PTK2: variants seen among roughly 807,000 people sequenced by gnomAD.
PTK2 encodes protein tyrosine kinase 2.
PTK2 carries 45 observed loss-of-function variants against 150.1 expected under a neutral mutation model. The ratio of observed to expected loss-of-function variants is 0.30; its 90% CI spans 0.24 to 0.38. PTK2 has a LOEUF of 0.38. Ranked by LOEUF, PTK2 falls within the 10% of genes least tolerant of loss-of-function variation. The pLI is 1.00. For synonymous variants in PTK2, 432 were observed against 449.2 expected, an observed-to-expected ratio of 0.96 and a Z score of 0.48; for missense variants, 919 against 1,307.3, an observed-to-expected ratio of 0.70 and a Z score of 4.58.
intron 30 of PTK2, among the ~76,000 whole-genome samples, chr8:140,667,183 A>G (rs1165557854): frequency 6.6e-6 from 1 of 152,206 alleles, no homozygotes; most frequent in African/African-American, 2.4e-5. Context: ...ATGGAAGTGG[A>G]TGGTGCTGAT....
At position 140,766,755 on chromosome 8, in the gene PTK2, T is replaced by C. The variant is rs117978270; in HGVS notation, c.1178-2465A>G. ...TGTGAGGCAGCACAGAAGTGAATGG[T>C]AGAGCTGCAATACACGTGACAAAAT... On this transcript the variant is annotated intron_variant, in intron 14 of 31. Transcript: ENST00000522684. Among the ~76,000 whole-genome samples the C allele has an allele frequency of 7.7e-4, 118 of 152,328 alleles. 2 individuals are homozygous for C. The highest frequency in any genetic ancestry group is 3.4e-3 in the Middle Eastern group (1 of 294).
intron 1 of PTK2, among the ~76,000 whole-genome samples, chr8:140,960,420 G>A (rs1371297365): frequency 6.6e-6 from 1 of 151,948 alleles, no homozygotes; most frequent in Non-Finnish European, 1.5e-5. Flanking sequence ...ATGTTGGCCA[G>A]GCTGGTCTCA....
chr8:140,900,912 A>C (rs959576510), intron 2 of PTK2, among the ~76,000 whole-genome samples: 7 of 152,062 alleles, frequency 4.6e-5, no homozygotes, highest in Non-Finnish European at 8.8e-5. Context: ...AAAAAATCCT[A>C]AAATTTATAT....
intron 23 of PTK2, among the ~76,000 whole-genome samples, chr8:140,713,943 A>AT (rs2100038130): frequency 1.3e-5 from 2 of 152,142 alleles, no homozygotes; most frequent in African/African-American, 4.8e-5. Flanking sequence ...CTGGAATGCA[A>AT]AGGTGCAAAC....
At chr8:140,808,979 T>C (rs2100099832) in intron 10 of PTK2, among the ~76,000 whole-genome samples, 1 of 152,082 alleles carries the variant, frequency 6.6e-6, no homozygotes, top group South Asian at 2.1e-4. Context: ...GTGATCCACC[T>C]GCCTCAGCCT....
chr8:140,869,742 A>G lies in PTK2; in HGVS notation c.363-5343T>C, dbSNP rs528572197. On this transcript the variant is annotated intron_variant, in intron 4 of 31. Coordinates refer to ENST00000522684, the Ensembl canonical transcript of PTK2. ...GACAATAAATATGTTGCTGATAGGA[A>G]ACACATAAACAAAGAAAGAGGGGCA... Among the ~76,000 whole-genome samples the G allele has an allele frequency of 2.6e-5, 4 of 152,298 alleles. No homozygotes were observed. In the East Asian group the frequency reaches 7.7e-4, roughly 29 times the overall value.
chr8:140,749,060 T>C (rs2100061204), intron 17 of PTK2, among the ~76,000 whole-genome samples: 1 of 152,202 alleles, frequency 6.6e-6, no homozygotes, highest in South Asian at 2.1e-4. Context: ...GACTTTGAAA[T>C]GGGCAAAACA....
chr8:140,962,093 A>C (rs1218164257), intron 1 of PTK2, among the ~76,000 whole-genome samples: 2 of 151,916 alleles, frequency 1.3e-5, no homozygotes, highest in Non-Finnish European at 2.9e-5. Context: ...AAAAAATACA[A>C]AAATTAGCCA....
intron 5 of PTK2, among the ~76,000 whole-genome samples, chr8:140,863,382 A>T (rs1475966767): frequency 2.6e-5 from 4 of 152,220 alleles, no homozygotes; most frequent in Admixed American, 2.0e-4. Flanking sequence ...CAAAAAAAAA[A>T]ATTCTGGTTA....
rs114198976 is a variant in PTK2 at position 140,723,382 on chromosome 8, T to C, written c.2031-5673A>G. 4.5e-3 allele frequency among the ~76,000 whole-genome samples: 680 copies of C among 152,320 alleles called. 4 individuals carry two copies. Among genetic ancestry groups the C allele is most frequent in the African/African-American group, 0.015 (644 of 41,556 alleles). ...ATACCCAAAATAGCCTGTCAAAACG[T>C]TTCTGAGAAACCATAATTTGCTGCT... is the stretch of plus-strand genomic sequence containing the variant. On this transcript the variant is annotated intron_variant, in intron 22 of 31. Transcript: ENST00000522684.
In PTK2 at chr8:140,878,584, ACT is replaced by A. The variant is rs570007592; in HGVS notation, c.362+885_362+886del. Among the ~76,000 whole-genome samples, 586 of 151,576 alleles carry A rather than the reference ACT, an allele frequency of 3.9e-3. 4 individuals are homozygous for A. Among genetic ancestry groups the A allele is most frequent in the African/African-American group, 0.013 (534 of 41,258 alleles). On this transcript the variant is annotated intron_variant, in intron 4 of 31. Transcript: ENST00000522684. Reference sequence around the variant, plus strand: ...ACTGCAGCCTGGGTGACAGGGCGAGACTCTGTCTCAAAAAAGAAAAAAAAAAA... The same window carrying A: ...ACTGCAGCCTGGGTGACAGGGCGAGACTGTCTCAAAAAAGAAAAAAAAAAA...
rs147547833 is a variant in PTK2, at chr8:140,659,550, G to A, written c.3075C>T (p.His1025=). The A allele has an allele frequency of 9.0e-5, 146 of 1,613,992 alleles. 4 individuals carry two copies. The South Asian group carries it at 1.5e-3, about 16-fold the overall frequency. The change falls in exon 32 of 32, where the codon CAC becomes CAT. Residue 1025 remains histidine (H), a synonymous_variant. Coordinates refer to ENST00000522684, the Ensembl canonical transcript of PTK2. ...AGTTTTTGGCATCCACAGCCAGGGC[G>A]TGAGCAGCAGTCAGCATTTGCTTTT...
intron 1 of PTK2, among the ~76,000 whole-genome samples, chr8:140,952,711 A>T (rs1431876959): frequency 1.3e-5 from 2 of 152,226 alleles, no homozygotes; most frequent in African/African-American, 4.8e-5. Context: ...TGCCCACAAA[A>T]GAGATTTATA....
intron 4 of PTK2, among the ~76,000 whole-genome samples, chr8:140,864,754 A>G (rs1359378098): frequency 5.9e-5 from 9 of 152,224 alleles, no homozygotes; most frequent in Non-Finnish European, 1.2e-4. Context: ...GGAACTGCAC[A>G]GTATGTACTC....
intron 2 of PTK2, among the ~76,000 whole-genome samples, chr8:140,910,630 C>A (rs558968832): frequency 3.4e-4 from 51 of 152,214 alleles, no homozygotes; most frequent in African/African-American, 1.1e-3. Flanking sequence ...AAGAATACAG[C>A]GAATGGGGAT....
intron 6 of PTK2, 79 bp from the exon 7 acceptor site, chr8:140,846,401 G>A (rs1258349766): frequency 2.8e-6 from 4 of 1,429,580 alleles, no homozygotes; most frequent in East Asian, 2.3e-5. Flanking sequence ...CTGGGGGAGA[G>A]GCATCTGAAT....
chr8:140,769,829 T>C (rs2100074538), intron 14 of PTK2, among the ~76,000 whole-genome samples: 1 of 152,244 alleles, frequency 6.6e-6, no homozygotes, highest in Admixed American at 6.5e-5. Context: ...GCTGTCAATG[T>C]ATTACATGAA....
chr8:140,664,564 C>G (rs538103262), intron 31 of PTK2, among the ~76,000 whole-genome samples: 26 of 152,320 alleles, frequency 1.7e-4, no homozygotes, highest in African/African-American at 6.3e-4. Flanking sequence ...ATTCTTCTAC[C>G]TTTTAGGTTC....
intron 2 of PTK2, among the ~76,000 whole-genome samples, chr8:140,906,759 TCA>T (rs1378743323): frequency 1.3e-5 from 2 of 152,124 alleles, no homozygotes; most frequent in Non-Finnish European, 2.9e-5. Context: ...AGCAAGAAAA[TCA>T]CAGTTAATAA....
Sources: allele counts gnomAD v4.1 joint callset (sites outside exome capture counted in the v4.1 genomes callset), GRCh38; gene constraint gnomAD v4.1.1; transcripts MANE v1.5; gene names NCBI Gene and HGNC (gene_info 2026-07-23, HGNC 2026-07-21).